Variants in FGD5 observed in about 807,000 individuals in gnomAD.
The protein encoded by FGD5 is FYVE, RhoGEF and PH domain containing 5, also known as FYVE, RhoGEF and PH domain-containing protein 5.
FGD5 carries 28 observed loss-of-function variants against 133.4 expected under a neutral mutation model. The ratio of observed to expected loss-of-function variants is 0.21; its 90% CI spans 0.16 to 0.29. The LOEUF (loss-of-function observed/expected upper bound fraction) is 0.29. FGD5 is among the 10% of genes least tolerant of loss of function. The probability of loss-of-function intolerance (pLI) is 1.00; values close to 1 mark genes in which losing one functional copy is unlikely to be tolerated. For missense variants in FGD5, 1,858 were observed against 1,895.2 expected (o/e 0.98, Z 0.36); for synonymous variants, 810 against 776.5 (o/e 1.04, Z -0.72).
intron 4 of FGD5, among the ~76,000 whole-genome samples, chr3:14,886,029 C>A (rs2037919185): frequency 6.6e-6 from 1 of 152,194 alleles, no homozygotes; most frequent in South Asian, 2.1e-4. Context: ...TTTAGAGATT[C>A]TTCTTTCTTG....
intron 4 of FGD5, among the ~76,000 whole-genome samples, chr3:14,891,937 C>T (rs1347927967): frequency 6.6e-6 from 1 of 151,232 alleles, no homozygotes; most frequent in Non-Finnish European, 1.5e-5. Flanking sequence ...CTTTCTTTTT[C>T]TCTCTTTCTC....
chr3:14,853,054 C>T (rs2037198128), intron 1 of FGD5, among the ~76,000 whole-genome samples: 1 of 142,318 alleles, frequency 7.0e-6, no homozygotes, highest in South Asian at 2.2e-4. Context: ...CGCAGGGTTT[C>T]CTGAGGAATC....
intron 2 of FGD5, among the ~76,000 whole-genome samples, chr3:14,868,235 G>A (rs1295778483): frequency 1.3e-5 from 2 of 151,920 alleles, no homozygotes; most frequent in East Asian, 1.9e-4. Context: ...CAGCTCCCCC[G>A]AGACCAGCCC....
rs752874281 is a variant in FGD5, at chr3:14,918,842, A to C, written c.3569+9A>C. ...CTGATGCTGTCTGCGAGGTACGGGCAGGTGGAGGGAGGATGGCGCACAAGG... is the reference window on the plus strand; with the variant it reads ...CTGATGCTGTCTGCGAGGTACGGGCCGGTGGAGGGAGGATGGCGCACAAGG... On this transcript the variant is annotated intron_variant, in intron 13 of 19. Coordinates refer to ENST00000285046, the MANE Select transcript of FGD5 (RefSeq NM_152536.4). 1.7e-5 allele frequency: 28 copies of C among 1,613,700 alleles called. No individual in the cohort carries two copies. Among genetic ancestry groups the C allele is most frequent in the Non-Finnish European group, 2.4e-5 (28 of 1,179,840 alleles).
chr3:14,856,808 TAA>T lies in FGD5; in HGVS notation c.2526-7319_2526-7318del, dbSNP rs557783172. ...TAGAATATTTAGGGTTTTCTATATATAAGATTATGTCATCTGCAAACAGGGAC... is the reference window on the plus strand; with the variant it reads ...TAGAATATTTAGGGTTTTCTATATATGATTATGTCATCTGCAAACAGGGAC... On this transcript the variant is annotated intron_variant, in intron 1 of 19. Transcript: ENST00000285046. Among the ~76,000 whole-genome samples, 245 of 152,346 alleles carry T rather than the reference TAA, an allele frequency of 1.6e-3. 1 individual carries two copies. The highest frequency in any genetic ancestry group is 0.01 in the Middle Eastern group (3 of 294).
chr3:14,910,723 T>C, intron 10 of FGD5, 138 bp from the exon 11 acceptor site: 1 of 658,200 alleles, frequency 1.5e-6, no homozygotes. Context: ...CTTTATGATT[T>C]AAGTTTCCAC....
intron 1 of FGD5, among the ~76,000 whole-genome samples, chr3:14,828,193 A>G (rs1408709720): frequency 6.6e-6 from 1 of 152,172 alleles, no homozygotes; most frequent in East Asian, 1.9e-4. Flanking sequence ...GTCTGGGGGT[A>G]GGAAGAGGAC....
chr3:14,841,366 C>T (rs954924298), intron 1 of FGD5, among the ~76,000 whole-genome samples: 2 of 152,128 alleles, frequency 1.3e-5, no homozygotes, highest in Admixed American at 6.5e-5. Context: ...ATTTCTGAGC[C>T]ACCTCTGTTC....
Position 14,864,674 on chromosome 3 carries a change from A to T in FGD5, c.2658+414A>T, listed in dbSNP as rs78020830. Among the ~76,000 whole-genome samples the T allele has an allele frequency of 3.6e-3, 547 of 152,298 alleles. 3 individuals are homozygous for T. The highest frequency in any genetic ancestry group is 0.012 in the African/African-American group (509 of 41,564). On this transcript the variant is annotated intron_variant, in intron 2 of 19. Transcript: ENST00000285046. Reference sequence around the variant, plus strand: ...CTATCAGGGAATTTTGTGAACTGAAAAGTTTTAGATGAAAGCTGGTTTCCC... The same window carrying T: ...CTATCAGGGAATTTTGTGAACTGAATAGTTTTAGATGAAAGCTGGTTTCCC...
chr3:14,866,863 G>A (rs563406977), intron 2 of FGD5, among the ~76,000 whole-genome samples: 2 of 152,096 alleles, frequency 1.3e-5, no homozygotes, highest in Non-Finnish European at 2.9e-5. Flanking sequence ...GGCAGAGCCT[G>A]TGGCCAGCCA....
intron 1 of FGD5, among the ~76,000 whole-genome samples, chr3:14,862,352 G>A (rs1352305464): frequency 3.9e-5 from 6 of 152,228 alleles, no homozygotes; most frequent in Non-Finnish European, 8.8e-5. Flanking sequence ...GGAGGGAGGG[G>A]AGTGAGGGTT....
intron 1 of FGD5, among the ~76,000 whole-genome samples, chr3:14,821,994 G>C (rs141499763): frequency 0.013 from 1,929 of 152,176 alleles, 35 homozygotes; most frequent in African/African-American, 0.039. Flanking sequence ...CAGCTGCTCG[G>C]GAGGCTGAGG....
At chr3:14,863,900 G>T (rs554163679) in intron 1 of FGD5, among the ~76,000 whole-genome samples, 119 of 152,294 alleles carry the variant, frequency 7.8e-4, no homozygotes, top group African/African-American at 2.8e-3. Flanking sequence ...CTGTCTGCAG[G>T]GAAGTGAGTC....
At chr3:14,825,958 A>ACACAGTGCTGGATGCTTTC (rs533899392) in intron 1 of FGD5, among the ~76,000 whole-genome samples, 1,679 of 152,318 alleles carry the variant, frequency 0.011, 32 homozygotes, top group African/African-American at 0.037. Flanking sequence ...GTTTTTAGCA[A>ACACAGTGCTGGATGCTTTC]CACAGTGCTG....
At position 14,922,668 on chromosome 3, in the gene FGD5, T is replaced by C. The variant is rs2038709135; in HGVS notation, c.3807+120T>C. On this transcript the variant is annotated intron_variant, in intron 15 of 19. Coordinates refer to ENST00000285046, the MANE Select transcript of FGD5 (RefSeq NM_152536.4). The surrounding 1 kb of genome is among the most constrained non-coding windows in gnomAD (Gnocchi z 4.1). ...CTACTGTAAGCCCCAGAGTGAGGCA[T>C]GTTCACACCAACCCGAGAGGAACAG... 6.0e-6 allele frequency: 8 copies of C among 1,334,448 alleles called. No individual in the cohort carries two copies. Among genetic ancestry groups the C allele is most frequent in the Non-Finnish European group, 7.1e-6 (7 of 988,340 alleles). 82.7% of individuals were successfully genotyped at this position (1,334,448 alleles called of 1,614,324 possible).
chr3:14,894,274 G>C (rs779287060), intron 4 of FGD5, among the ~76,000 whole-genome samples: 76 of 152,300 alleles, frequency 5.0e-4, no homozygotes, highest in Middle Eastern at 3.4e-3. Flanking sequence ...TGTTGCTGCA[G>C]ATGACAGGAC....
At chr3:14,853,720 G>T (rs374339320) in intron 1 of FGD5, among the ~76,000 whole-genome samples, 107 of 129,094 alleles carry the variant, frequency 8.3e-4, no homozygotes, top group African/African-American at 3.1e-3. Context: ...CCCAACCAGC[G>T]TTACATAGGA....
Position 14,820,461 on chromosome 3 carries a change from T to C in FGD5, c.1390T>C (p.Cys464Arg), listed in dbSNP as rs373582365. Residue 464 changes from cysteine (C) to arginine (R), a missense_variant, in exon 1 of 20, where the codon TGT (cysteine) becomes CGT (arginine). Cys to Arg is a radical substitution (Grantham distance 180). Around this residue, in one of 3 missense-constraint regions of FGD5, gnomAD observed 1,824 missense variants for 1,848.9 expected, o/e 0.99. Transcript: ENST00000285046. Reference sequence around the variant, plus strand: ...TTATGGCTCGAAAGAAGAATTGAACTGTGAGGCAGAGGGTGGCCTGGTTCC... The same window carrying C: ...TTATGGCTCGAAAGAAGAATTGAACCGTGAGGCAGAGGGTGGCCTGGTTCC... Reference protein sequence around the residue: ...GGYGSKEELNCEAEGGLVPAD... With the variant: ...GGYGSKEELNREAEGGLVPAD... 2 of 1,613,810 alleles carry C rather than the reference T, an allele frequency of 1.2e-6. No individual in the cohort carries two copies. The highest frequency in any genetic ancestry group is 2.2e-5 in the East Asian group (1 of 44,852).
At chr3:14,868,274 C>T (rs908170993) in intron 2 of FGD5, among the ~76,000 whole-genome samples, 1 of 152,046 alleles carries the variant, frequency 6.6e-6, no homozygotes, top group Non-Finnish European at 1.5e-5. Flanking sequence ...CCAGGGACCC[C>T]CTCCCCCACC....
Sources: allele counts gnomAD v4.1 joint callset (sites outside exome capture counted in the v4.1 genomes callset), GRCh38; gene constraint gnomAD v4.1.1; regional missense constraint gnomAD v4.1.1; non-coding constraint Gnocchi (gnomAD v3.1); transcripts MANE v1.5; gene names NCBI Gene and HGNC (gene_info 2026-07-23, HGNC 2026-07-21).